VRTN: variants seen among roughly 807,000 people sequenced by gnomAD.
VRTN encodes vertnin.
In VRTN, 5 loss-of-function variants were observed where a neutral mutation model predicts 18.2. The ratio of observed to expected loss-of-function variants is 0.27; its 90% CI spans 0.14 to 0.58. VRTN has a LOEUF of 0.58. VRTN is among the 20% of genes least tolerant of loss of function. VRTN has a pLI of 0.91. For synonymous variants in VRTN, 381 were observed against 393.7 expected (o/e 0.97, Z 0.38); for missense variants, 741 against 939.4 (o/e 0.79, Z 2.76).
At chr14:74,334,923 C>T (rs996113551) in intron 1 of VRTN, among the ~76,000 whole-genome samples, 4 of 152,006 alleles carry the variant, frequency 2.6e-5, no homozygotes, top group South Asian at 2.1e-4. Flanking sequence ...TTGAAGAATA[C>T]GAAGACAAAG....
At chr14:74,356,612 A>G (rs2085728964) in intron 1 of VRTN, among the ~76,000 whole-genome samples, 171 bp from the exon 2 acceptor site, 1 of 152,194 alleles carries the variant, frequency 6.6e-6, no homozygotes, top group Admixed American at 6.5e-5. Flanking sequence ...TAGAGACCAC[A>G]CTTTTCCTCA....
chr14:74,338,320 C>G (rs769941466), intron 2 of VRTN, among the ~76,000 whole-genome samples: 21 of 152,186 alleles, frequency 1.4e-4, no homozygotes, highest in Non-Finnish European at 2.4e-4. Flanking sequence ...ATCAGCCTGA[C>G]AGCCCTCTTA....
rs568502781 is a variant in VRTN, at chr14:74,308,819, C to T, written c.-164+5643C>T. Among the ~76,000 whole-genome samples, 21 of 151,726 alleles carry T rather than the reference C, an allele frequency of 1.4e-4. No homozygotes were observed. In the East Asian group the frequency reaches 4.1e-3, roughly 29 times the overall value. On this transcript the variant is annotated intron_variant, in intron 1 of 2. Coordinates refer to the VRTN transcript ENST00000557177. ...GCGCGAGCCACTGCACCCTGCTCTT[C>T]AAGGCTTCTTATGCCCTGGCCTTGC...
intron 1 of VRTN, among the ~76,000 whole-genome samples, chr14:74,323,208 G>A (rs562367129): frequency 1.3e-5 from 2 of 152,252 alleles, no homozygotes; most frequent in South Asian, 4.1e-4. Flanking sequence ...AAGCTGCATA[G>A]AGACAAAAGT....
At chr14:74,315,316 C>T (rs755000948) in intron 1 of VRTN, among the ~76,000 whole-genome samples, 2 of 152,110 alleles carry the variant, frequency 1.3e-5, no homozygotes, top group East Asian at 1.9e-4. Context: ...CAGATTCATG[C>T]GAGTCTTGTG....
chr14:74,336,284 G>A (rs1174667828), intron 1 of VRTN, among the ~76,000 whole-genome samples: 2 of 151,898 alleles, frequency 1.3e-5, no homozygotes, highest in Admixed American at 1.3e-4. Context: ...CTGCATGCTT[G>A]TAATCCCAGC....
At chr14:74,326,221 C>G (rs1392592955) in intron 1 of VRTN, among the ~76,000 whole-genome samples, 2 of 152,068 alleles carry the variant, frequency 1.3e-5, no homozygotes, top group Non-Finnish European at 2.9e-5. Context: ...GCCCTGGAAG[C>G]TGTGAGCCCC....
In VRTN at chr14:74,337,571, G is replaced by C. The variant is rs1000465225; in HGVS notation, c.-163-152G>C. On this transcript the variant is annotated intron_variant, in intron 1 of 2. Coordinates refer to the VRTN transcript ENST00000557177. ...GTTTCCCCTTCATGGATGAAATAGAGAGGGCTGAAGAAATGCAACAAACTC... is the reference window on the plus strand; with the variant it reads ...GTTTCCCCTTCATGGATGAAATAGACAGGGCTGAAGAAATGCAACAAACTC... 5.9e-5 allele frequency among the ~76,000 whole-genome samples: 9 copies of C among 152,222 alleles called. 2 individuals are homozygous for C. The highest frequency in any genetic ancestry group is 6.5e-5 in the Admixed American group (1 of 15,272).
At chr14:74,328,814 A>G (rs1447527977) in intron 1 of VRTN, among the ~76,000 whole-genome samples, 1 of 152,040 alleles carries the variant, frequency 6.6e-6, no homozygotes, top group Non-Finnish European at 1.5e-5. Flanking sequence ...CCTGGCCAAC[A>G]TGGTGAAACC....
upstream of VRTN, among the ~76,000 whole-genome samples, chr14:74,346,790 A>C (rs1357081634): frequency 3.3e-5 from 5 of 152,356 alleles, no homozygotes; most frequent in Non-Finnish European, 5.9e-5. Flanking sequence ...TTGTAATGGA[A>C]AAGCCAACAA....
At chr14:74,342,248 G>GAAA (rs35159504) in intron 2 of VRTN, among the ~76,000 whole-genome samples, 1 of 143,492 alleles carries the variant, frequency 7.0e-6, no homozygotes, top group Non-Finnish European at 1.5e-5. Context: ...CCCTGCTTCA[G>GAAA]AAAAAAAAAA....
intron 1 of VRTN, among the ~76,000 whole-genome samples, chr14:74,303,838 T>C (rs1037730275): frequency 6.8e-5 from 10 of 147,202 alleles, no homozygotes; most frequent in African/African-American, 2.3e-4. Flanking sequence ...AGTTGACAAT[T>C]ACAGATTTTT....
chr14:74,314,434 T>G (rs1231393389), intron 1 of VRTN, among the ~76,000 whole-genome samples: 1 of 142,100 alleles, frequency 7.0e-6, no homozygotes, highest in Non-Finnish European at 1.5e-5. Context: ...TCTCACACTG[T>G]GGCCCAGGCT....
chr14:74,321,268 G>A (rs2085454147), intron 1 of VRTN, among the ~76,000 whole-genome samples: 1 of 152,136 alleles, frequency 6.6e-6, no homozygotes. Flanking sequence ...AACCTCTATT[G>A]AATACTTACT....
At chr14:74,318,270 A>ATTT (rs78501021) in intron 1 of VRTN, among the ~76,000 whole-genome samples, 3 of 134,392 alleles carry the variant, frequency 2.2e-5, no homozygotes, top group Non-Finnish European at 3.2e-5. Context: ...CGCCTGGCTA[A>ATTT]TTTTTTTTTT....
Position 74,358,035 on chromosome 14 carries a change from C to G in VRTN, c.1252C>G (p.Leu418Val). ...GGAGCATTGCATCTCCCTGAACACA[C>G]TGGTACCCTATCGCTGCTTCAAACG... ...YLEHCISLNT[L>V]VPYRCFKRRF... The change falls in exon 2 of 2, where the codon CTG becomes GTG. Residue 418 changes from leucine (L) to valine (V), a missense_variant. By Grantham distance (32) the Leu-to-Val change is conservative. Transcript: ENST00000256362. This position sits in a 1 kb window ranked among gnomAD's most constrained non-coding sequence, Gnocchi z 5.4. 6.2e-7 allele frequency: 1 copy of G among 1,614,236 alleles called. No individual in the cohort carries two copies. The highest frequency in any genetic ancestry group is 8.5e-7 in the Non-Finnish European group (1 of 1,180,034).
At chr14:74,316,236 G>A (rs2140194234) in intron 1 of VRTN, among the ~76,000 whole-genome samples, 1 of 152,244 alleles carries the variant, frequency 6.6e-6, no homozygotes, top group East Asian at 1.9e-4. Context: ...ACCTAAATGA[G>A]GCTGGGTGTG....
chr14:74,324,698 C>G (rs1278304547), intron 1 of VRTN, among the ~76,000 whole-genome samples: 1 of 151,722 alleles, frequency 6.6e-6, no homozygotes, highest in Non-Finnish European at 1.5e-5. Flanking sequence ...GGCCAGCCTG[C>G]GTAACATGCC....
chr14:74,337,334 C>T (rs890599735), intron 1 of VRTN, among the ~76,000 whole-genome samples: 5 of 151,708 alleles, frequency 3.3e-5, no homozygotes, highest in African/African-American at 9.7e-5. Flanking sequence ...AGAGTGAGAC[C>T]CTGCCTCAAA....
Sources: allele counts gnomAD v4.1 joint callset (sites outside exome capture counted in the v4.1 genomes callset), GRCh38; gene constraint gnomAD v4.1.1; non-coding constraint Gnocchi (gnomAD v3.1); transcripts MANE v1.5; gene names NCBI Gene and HGNC (gene_info 2026-07-23, HGNC 2026-07-21).